The following CROCC2 variants were observed in gnomAD, a reference collection of about 807,000 sequenced individuals.
CROCC2 encodes the protein ciliary rootlet coiled-coil protein 2.
A neutral mutation model predicts 177.6 loss-of-function variants in CROCC2; 163 were observed. That is an observed-to-expected ratio of 0.92 (90% CI 0.81 to 1.05). The LOEUF (loss-of-function observed/expected upper bound fraction) is 1.05, where lower values mean the gene tolerates loss of function less well. CROCC2 is among the 50% of genes least tolerant of loss of function. The probability of loss-of-function intolerance (pLI) is 0.00; values close to 1 mark genes in which losing one functional copy is unlikely to be tolerated. For missense variants in CROCC2, 1,929 were observed against 1,797.8 expected (o/e 1.07, Z -1.32); for synonymous variants, 904 against 787.3 (o/e 1.15, Z -2.48).
intron 1 of CROCC2, among the ~76,000 whole-genome samples, chr2:240,907,067 T>C (rs4544434): frequency 0.56 from 85,727 of 151,888 alleles, 25,317 homozygotes; most frequent in Non-Finnish European, 0.64. Context: ...GGGGTGGGGA[T>C]GGGCAGGCAG....
At chr2:240,954,518 T>G (rs1394047305) in intron 18 of CROCC2, 1 of 151,868 alleles carries the variant, frequency 6.6e-6, no homozygotes, top group Non-Finnish European at 1.5e-5. Flanking sequence ...AGGCAAGGTG[T>G]GGGCACGTCA....
At chr2:240,920,254 A>G (rs1400405128) in intron 3 of CROCC2, 120 bp downstream of exon 3, 1 of 583,800 alleles carries the variant, frequency 1.7e-6, no homozygotes, top group East Asian at 2.9e-5. Flanking sequence ...AGACTCGGAA[A>G]GACAGAGTGT....
rs575019775 is a variant in CROCC2 at position 240,967,682 on chromosome 2, G to A, written c.4267+217G>A. The A allele has an allele frequency of 1.6e-5, 11 of 680,900 alleles. No individual in the cohort carries two copies. In the Admixed American group the frequency reaches 5.0e-4, roughly 31 times the overall value. 42.2% of individuals were successfully genotyped at this position (680,900 alleles called of 1,614,324 possible). On this transcript the variant is annotated intron_variant, in intron 26 of 31. Transcript: ENST00000690015. The stretch of plus-strand genomic sequence containing the variant: ...GACTTCCCCAGCACAGAGGAGTGAC[G>A]TCCACAGGCCCATCAGGGCCCTCCC...
At position 240,968,354 on chromosome 2, in the gene CROCC2, G is replaced by A. The variant is rs915205517; in HGVS notation, c.4401+92G>A. 7 of 1,390,662 alleles carry A rather than the reference G, an allele frequency of 5.0e-6. No homozygotes were observed. The African/African-American group carries it at 5.9e-5, about 12-fold the overall frequency. 86.1% of individuals were successfully genotyped at this position (1,390,662 alleles called of 1,614,324 possible). ...CCCTGCAGGGAGGCCACAGGGCCGG[G>A]AGGTGGGAGAGAGGGGTCTGCAAGG... is the stretch of plus-strand genomic sequence containing the variant. On this transcript the variant is annotated intron_variant, in intron 27 of 31. Transcript: ENST00000690015.
At chr2:240,963,840 G>A in intron 21 of CROCC2, 67 bp downstream of exon 21, 1 of 1,502,630 alleles carries the variant, frequency 6.7e-7, no homozygotes. Context: ...GCCGTAGGGA[G>A]GATGGGGCAA....
chr2:240,992,279 G>C (rs755851687), intron 31 of CROCC2, among the ~76,000 whole-genome samples: 1 of 152,174 alleles, frequency 6.6e-6, no homozygotes, highest in Non-Finnish European at 1.5e-5. Flanking sequence ...ATCCCTGCAT[G>C]TGCCACAGGG....
chr2:240,989,953 T>G, intron 30 of CROCC2, 120 bp downstream of exon 30: 1 of 946,816 alleles, frequency 1.1e-6, no homozygotes, highest in Non-Finnish European at 1.5e-6. Context: ...GGCTCTCCAC[T>G]GCCACCCAGT....
intron 28 of CROCC2, chr2:240,983,326 A>T: frequency 8.0e-7 from 1 of 1,253,518 alleles, no homozygotes; most frequent in Admixed American, 2.8e-5. Flanking sequence ...GTTTAGGAGA[A>T]AATAAGTTGA....
chr2:240,946,185 G>T lies in CROCC2; in HGVS notation c.2295G>T (p.Gln765His). 6.5e-7 allele frequency: 1 copy of T among 1,547,948 alleles called. No individual in the cohort carries two copies. ...GKDALSEERA[Q>H]LLAKQEALER... ...ATGCTCTGTCTGAGGAGCGGGCCCA[G>T]CTGCTGGCCAAGCAGGAGGCCTTGG... The change falls in exon 15 of 32, where the codon CAG becomes CAT. Residue 765 changes from glutamine (Q) to histidine (H), a missense_variant. By Grantham distance (24) the Gln-to-His change is conservative. Around this residue, in one of 3 missense-constraint regions of CROCC2, gnomAD observed 1,397 missense variants for 1,239.9 expected, o/e 1.13. Coordinates refer to ENST00000690015, the MANE Select transcript of CROCC2 (RefSeq NM_001351305.2).
chr2:240,992,999 G>A (rs944452450), intron 31 of CROCC2, 67 bp from the exon 32 acceptor site: 6 of 709,456 alleles, frequency 8.5e-6, no homozygotes, highest in East Asian at 2.7e-5. Flanking sequence ...TCCAGCCCCC[G>A]GCAGCAGGAG....
chr2:240,922,815 A>C (rs2059365462), intron 4 of CROCC2, among the ~76,000 whole-genome samples, 170 bp downstream of exon 4: 1 of 152,124 alleles, frequency 6.6e-6, no homozygotes, highest in African/African-American at 2.4e-5. Context: ...AGGGCAGGGC[A>C]GGGGGCTGGA....
rs559180596 is a variant in CROCC2, at chr2:240,967,249, G to A, written c.4147-96G>A. ...GCCCTGCACACCTGCAGGCCAGACC[G>A]TGAGCGGCCCCAGCTGGCCCCGACC... On this transcript the variant is annotated intron_variant, in intron 25 of 31. Coordinates refer to ENST00000690015, the MANE Select transcript of CROCC2 (RefSeq NM_001351305.2). 298 of 524,230 alleles carry A rather than the reference G, an allele frequency of 5.7e-4. 2 individuals are homozygous for A. In the South Asian group the frequency reaches 7.2e-3, roughly 13 times the overall value. 32.5% of individuals were successfully genotyped at this position (524,230 alleles called of 1,614,324 possible). A position where few individuals can be genotyped will look rare whatever the true frequency, so the allele number is the denominator to read the frequency against.
Position 240,968,019 on chromosome 2 carries a change from C to T in CROCC2, c.4268-110C>T. Reference sequence around the variant, plus strand: ...GGACCCTTGAGCTGCAAGGATGGACCCCCACCTCCACGTGGGAGCCAGTCA... The same window carrying T: ...GGACCCTTGAGCTGCAAGGATGGACTCCCACCTCCACGTGGGAGCCAGTCA... On this transcript the variant is annotated intron_variant, in intron 26 of 31. Coordinates refer to ENST00000690015, the MANE Select transcript of CROCC2 (RefSeq NM_001351305.2). 4 of 1,166,012 alleles carry T rather than the reference C, an allele frequency of 3.4e-6. No homozygotes were observed. In the South Asian group the frequency reaches 9.8e-5, roughly 29 times the overall value. The allele number at this position is 1,166,012 out of a possible 1,614,324, so 72.2% of individuals were successfully genotyped here.
At chr2:240,962,804 C>T (rs1440738851) in intron 20 of CROCC2, among the ~76,000 whole-genome samples, 1 of 152,180 alleles carries the variant, frequency 6.6e-6, no homozygotes, top group Non-Finnish European at 1.5e-5. Context: ...CAGGGCCGAG[C>T]CCCAGCAAGT....
chr2:240,991,005 T>C (rs905193635), intron 30 of CROCC2, among the ~76,000 whole-genome samples, 191 bp from the exon 31 acceptor site: 1 of 152,230 alleles, frequency 6.6e-6, no homozygotes, highest in Non-Finnish European at 1.5e-5. Flanking sequence ...GAACTGCGCA[T>C]CCCTCTCTGG....
At position 240,949,910 on chromosome 2, in the gene CROCC2, G is replaced by A. The variant is rs1304308580; in HGVS notation, c.2652+208G>A. Among the ~76,000 whole-genome samples the A allele has an allele frequency of 1.3e-5, 2 of 152,214 alleles. No homozygotes were observed. The highest frequency in any genetic ancestry group is 4.8e-5 in the African/African-American group (2 of 41,458). On this transcript the variant is annotated intron_variant, in intron 17 of 31. Transcript: ENST00000690015. The surrounding 1 kb of genome is among the most constrained non-coding windows in gnomAD (Gnocchi z 4.5). Reference sequence around the variant, plus strand: ...GAGCCCTCATATTGGGCTTGGGTTTGTATTTGGGGCGGGCCTCCCTCATGG... The same window carrying A: ...GAGCCCTCATATTGGGCTTGGGTTTATATTTGGGGCGGGCCTCCCTCATGG...
chr2:240,933,033 C>T lies in CROCC2; in HGVS notation c.1252-98C>T, dbSNP rs1002321543. The T allele has an allele frequency of 4.0e-5, 60 of 1,508,516 alleles. 1 individual carries two copies. The highest frequency in any genetic ancestry group is 2.9e-4 in the South Asian group (24 of 82,682). The allele number at this position is 1,508,516 out of a possible 1,614,324, so 93.4% of individuals were successfully genotyped here. A position where few individuals can be genotyped will look rare whatever the true frequency, so the allele number is the denominator to read the frequency against. ...TGGCTCCAGGGAGGGGCCCCAGTGT[C>T]GGGGGTGTCCTTTCTGGGGAGTCGC... On this transcript the variant is annotated intron_variant, in intron 9 of 31. Transcript: ENST00000690015.
At chr2:240,968,556 T>C (rs1003780684) in intron 27 of CROCC2, among the ~76,000 whole-genome samples, 1 of 152,124 alleles carries the variant, frequency 6.6e-6, no homozygotes, top group Non-Finnish European at 1.5e-5. Context: ...GACTTGGCCC[T>C]GGGGGCACAG....
chr2:240,910,436 A>G (rs2059280234), intron 1 of CROCC2, among the ~76,000 whole-genome samples: 1 of 152,170 alleles, frequency 6.6e-6, no homozygotes, highest in African/African-American at 2.4e-5. Flanking sequence ...ATTACATCCA[A>G]ATTTTCAAGT....
Sources: allele counts gnomAD v4.1 joint callset (sites outside exome capture counted in the v4.1 genomes callset), GRCh38; gene constraint gnomAD v4.1.1; regional missense constraint gnomAD v4.1.1; non-coding constraint Gnocchi (gnomAD v3.1); transcripts MANE v1.5; gene names NCBI Gene and HGNC (gene_info 2026-07-23, HGNC 2026-07-21).